LCLAT1: variants seen among roughly 807,000 people sequenced by gnomAD.
LCLAT1 encodes the protein 1-AGP acyltransferase 8.
In LCLAT1, 11 loss-of-function variants were observed where a neutral mutation model predicts 30.7. The observed-to-expected ratio is 0.36, with a 90% confidence interval of 0.23 to 0.59. The LOEUF (loss-of-function observed/expected upper bound fraction) is 0.59, where lower values mean the gene tolerates loss of function less well. Ranked by LOEUF, LCLAT1 falls within the 20% of genes least tolerant of loss-of-function variation. The pLI, the probability that LCLAT1 is intolerant of heterozygous loss-of-function variation, is 0.77. For synonymous variants in LCLAT1, 155 were observed against 151.3 expected, an observed-to-expected ratio of 1.02 and a Z score of -0.18; for missense variants, 402 against 458.6, an observed-to-expected ratio of 0.88 and a Z score of 1.13.
intron 5 of LCLAT1, among the ~76,000 whole-genome samples, chr2:30,630,035 A>C (rs1175131660): frequency 1.3e-5 from 2 of 152,132 alleles, no homozygotes; most frequent in Non-Finnish European, 2.9e-5. Context: ...AAACAAAAGG[A>C]ATTTAGTTCC....
intron 5 of LCLAT1, among the ~76,000 whole-genome samples, chr2:30,638,786 C>T (rs747325393): frequency 1.3e-4 from 12 of 91,942 alleles, no homozygotes; most frequent in Non-Finnish European, 2.1e-4. Flanking sequence ...TCCCCATTCT[C>T]CCACATCCAG....
chr2:30,607,212 A>AT (rs1667488512), intron 5 of LCLAT1: 1 of 152,040 alleles, frequency 6.6e-6, no homozygotes, highest in Admixed American at 6.6e-5. Flanking sequence ...ATTTTTTTGT[A>AT]TTTTTAGTAG....
chr2:30,462,625 GC>G (rs1682213465), intron 1 of LCLAT1, among the ~76,000 whole-genome samples: 1 of 152,206 alleles, frequency 6.6e-6, no homozygotes, highest in East Asian at 1.9e-4. Flanking sequence ...GAAAGTTGCA[GC>G]ATAGTCTTTT....
At chr2:30,508,700 T>C (rs1684794408) in intron 1 of LCLAT1, among the ~76,000 whole-genome samples, 1 of 152,186 alleles carries the variant, frequency 6.6e-6, no homozygotes, top group South Asian at 2.1e-4. Flanking sequence ...TTTCTAACTT[T>C]GTTCTTTTTG....
At chr2:30,533,430 C>G (rs943841409) in intron 3 of LCLAT1, 116 bp downstream of exon 3, 1 of 806,418 alleles carries the variant, frequency 1.2e-6, no homozygotes, top group African/African-American at 1.7e-5. Flanking sequence ...GGGCCAAAAA[C>G]AATCTCTGGT....
intron 1 of LCLAT1, among the ~76,000 whole-genome samples, chr2:30,486,351 A>G (rs187863875): frequency 6.6e-6 from 1 of 152,328 alleles, no homozygotes; most frequent in East Asian, 1.9e-4. Context: ...TTAACAAGAT[A>G]TGTACTTGTA....
intron 5 of LCLAT1, among the ~76,000 whole-genome samples, chr2:30,619,377 G>C (rs1352430108): frequency 6.6e-6 from 1 of 152,126 alleles, no homozygotes; most frequent in African/African-American, 2.4e-5. Context: ...CAGACCACCA[G>C]ATCTGCTTTC....
intron 5 of LCLAT1, among the ~76,000 whole-genome samples, chr2:30,619,734 G>A (rs139731565): frequency 1.3e-5 from 2 of 152,248 alleles, no homozygotes; most frequent in African/African-American, 4.8e-5. Context: ...GAAGCCACGA[G>A]GATCTTCAGG....
intron 1 of LCLAT1, among the ~76,000 whole-genome samples, chr2:30,510,330 A>T (rs138991787): frequency 3.2e-4 from 49 of 152,214 alleles, no homozygotes; most frequent in African/African-American, 1.2e-3. Context: ...GTGTTTTTCT[A>T]CCAACTACTC....
At chr2:30,615,854 G>C (rs945418105) in intron 5 of LCLAT1, among the ~76,000 whole-genome samples, 1 of 152,116 alleles carries the variant, frequency 6.6e-6, no homozygotes, top group African/African-American at 2.4e-5. Flanking sequence ...ATTACTTGCC[G>C]GTTACGTCTT....
chr2:30,574,249 C>A (rs1572645005), intron 5 of LCLAT1, among the ~76,000 whole-genome samples: 1 of 152,076 alleles, frequency 6.6e-6, no homozygotes, highest in East Asian at 1.9e-4. Flanking sequence ...AGTTACATTA[C>A]AAAACATGTT....
At chr2:30,610,018 A>G (rs1047853960) in intron 5 of LCLAT1, among the ~76,000 whole-genome samples, 1 of 152,136 alleles carries the variant, frequency 6.6e-6, no homozygotes, top group Non-Finnish European at 1.5e-5. Flanking sequence ...CATAAAGGCA[A>G]TGACCGATTT....
intron 3 of LCLAT1, among the ~76,000 whole-genome samples, chr2:30,542,942 G>T (rs936910384): frequency 7.0e-6 from 1 of 142,578 alleles, no homozygotes; most frequent in Admixed American, 7.2e-5. Context: ...TTTAATATTC[G>T]ACTTTTATGG....
chr2:30,447,692 C>T (rs1414571333), intron 1 of LCLAT1, among the ~76,000 whole-genome samples: 1 of 152,246 alleles, frequency 6.6e-6, no homozygotes, highest in Non-Finnish European at 1.5e-5. Flanking sequence ...CGAAGAGGGT[C>T]CCGTCGGTGT....
intron 5 of LCLAT1, among the ~76,000 whole-genome samples, chr2:30,587,851 A>T (rs566732341): frequency 6.6e-6 from 1 of 152,158 alleles, no homozygotes; most frequent in Non-Finnish European, 1.5e-5. Flanking sequence ...AAGATCAATG[A>T]TTAAAAGATA....
intron 5 of LCLAT1, among the ~76,000 whole-genome samples, chr2:30,583,331 A>C (rs1666286341): frequency 6.6e-6 from 1 of 152,194 alleles, no homozygotes; most frequent in African/African-American, 2.4e-5. Flanking sequence ...AAACTTTAAG[A>C]TCATGGGTTT....
chr2:30,578,162 T>G (rs1666072715), intron 5 of LCLAT1, among the ~76,000 whole-genome samples: 1 of 152,146 alleles, frequency 6.6e-6, no homozygotes, highest in Admixed American at 6.6e-5. Flanking sequence ...GGATTAATTT[T>G]GCATTGTATA....
At chr2:30,567,938 G>A (rs1193055455) in intron 4 of LCLAT1, 122 bp from the exon 5 acceptor site, 5 of 578,016 alleles carry the variant, frequency 8.7e-6, no homozygotes, top group Non-Finnish European at 1.5e-5. Context: ...ATTTGACTCA[G>A]TATTCAGTAA....
chr2:30,453,210 G>T (rs930779228), intron 1 of LCLAT1, among the ~76,000 whole-genome samples: 15 of 152,090 alleles, frequency 9.9e-5, no homozygotes, highest in African/African-American at 3.6e-4. Flanking sequence ...GGTATCTACT[G>T]GTGGTATCAC....
Sources: gnomAD v4.1 joint callset for allele counts (sites outside exome capture counted in the v4.1 genomes callset) on GRCh38, gnomAD v4.1.1 for gene constraint, MANE v1.5 for transcripts, NCBI Gene and HGNC (gene_info 2026-07-23, HGNC 2026-07-21) for gene names.